KCNQ2: variants seen among roughly 807,000 people sequenced by gnomAD.
The protein encoded by KCNQ2 is potassium voltage-gated channel subfamily Q member 2, also known as potassium voltage-gated channel subfamily KQT member 2.
In KCNQ2, 14 loss-of-function variants were observed where a neutral mutation model predicts 84.8. The observed-to-expected ratio is 0.17, with a 90% CI of 0.11 to 0.26. The LOEUF (loss-of-function observed/expected upper bound fraction) is 0.26. Ranked by LOEUF, KCNQ2 falls within the 10% of genes least tolerant of loss-of-function variation. KCNQ2 has a pLI of 1.00. For missense variants in KCNQ2, 788 were observed against 1,254.0 expected (o/e 0.63, Z 5.61); for synonymous variants, 599 against 554.1 (o/e 1.08, Z -1.14).
At chr20:63,442,282 G>A (rs1018228383) in intron 5 of KCNQ2, 124 bp downstream of exon 5, 112 of 1,165,964 alleles carry the variant, frequency 9.6e-5, no homozygotes, top group Admixed American at 6.0e-4. Flanking sequence ...TCATGACCAC[G>A]GGCAGCCAGC....
chr20:63,452,886 C>T (rs1460777032), intron 1 of KCNQ2, among the ~76,000 whole-genome samples: 5 of 151,058 alleles, frequency 3.3e-5, no homozygotes, highest in Non-Finnish European at 5.9e-5. Context: ...CCCGGGACGA[C>T]GCGCCAGCCG....
At chr20:63,423,218 G>A (rs2080526328) in intron 11 of KCNQ2, among the ~76,000 whole-genome samples, 2 of 152,192 alleles carry the variant, frequency 1.3e-5, no homozygotes, top group African/African-American at 4.8e-5. Context: ...CTCCCCTTCT[G>A]TGGGATGTGG....
chr20:63,451,619 G>A (rs2081618015), intron 1 of KCNQ2, among the ~76,000 whole-genome samples: 1 of 152,180 alleles, frequency 6.6e-6, no homozygotes, highest in Non-Finnish European at 1.5e-5. Context: ...GGGGACTTGG[G>A]CAAGCTCCCT....
rs1473376639 is a variant in KCNQ2, at chr20:63,460,439, GC to G, written c.296+11728del. Among the ~76,000 whole-genome samples, 1 of 152,042 alleles carries G rather than the reference GC, an allele frequency of 6.6e-6. No homozygotes were observed. The highest frequency in any genetic ancestry group is 1.9e-4 in the East Asian group (1 of 5,172). On this transcript the variant is annotated intron_variant, in intron 1 of 16. Transcript: ENST00000359125. The surrounding 1 kb of genome is among the most constrained non-coding windows in gnomAD (Gnocchi z 5.4). ...GTGGCACTCCTGACCGAGGCTCCCAGCAGGCCTTCCCCCCCACAGCCCCCTG... is the reference window on the plus strand; with the variant it reads ...GTGGCACTCCTGACCGAGGCTCCCAGAGGCCTTCCCCCCCACAGCCCCCTG...
chr20:63,412,138 A>C, intron 15 of KCNQ2: 1 of 475,294 alleles, frequency 2.1e-6, no homozygotes, highest in Admixed American at 3.7e-5. Flanking sequence ...GCCACGTCCC[A>C]GAGCGTGGAG....
chr20:63,438,445 G>T lies in KCNQ2; in HGVS notation c.1023+180C>A. 1 of 663,578 alleles carries T rather than the reference G, an allele frequency of 1.5e-6. No individual in the cohort carries two copies. Among genetic ancestry groups the T allele is most frequent in the South Asian group, 1.7e-5 (1 of 58,940 alleles). The allele number at this position is 663,578 out of a possible 1,614,324, so 41.1% of individuals were successfully genotyped here. A position where few individuals can be genotyped will look rare whatever the true frequency, so the allele number is the denominator to read the frequency against. ...CCACCCCTGTGCAGCCTCAGGGGTT[G>T]GAGCCATTTCTCAACACACACACTT... is the stretch of plus-strand genomic sequence containing the variant. On this transcript the variant is annotated intron_variant, in intron 7 of 16. Coordinates refer to ENST00000359125, the MANE Select transcript of KCNQ2 (RefSeq NM_172107.4). This position sits in a 1 kb window ranked among gnomAD's most constrained non-coding sequence, Gnocchi z 5.1.
At chr20:63,424,142 C>T (rs1013453079) in intron 11 of KCNQ2, 35 bp downstream of exon 11, 26 of 1,552,714 alleles carry the variant, frequency 1.7e-5, no homozygotes, top group Middle Eastern at 1.7e-4. Context: ...GCCGTGCACA[C>T]GGCAGACACC....
At chr20:63,442,752 T>TCACCACCACCATCACCACCACCAC (rs1568934242) in intron 4 of KCNQ2, among the ~76,000 whole-genome samples, 1 of 35,170 alleles carries the variant, frequency 2.8e-5, no homozygotes, top group African/African-American at 1.3e-4. Flanking sequence ...ATCACCACCA[T>TCACCACCACCATCACCACCACCAC]CACCATCACC....
chr20:63,426,500 CTTTT>C (rs11479722), intron 10 of KCNQ2, among the ~76,000 whole-genome samples: 1 of 146,628 alleles, frequency 6.8e-6, no homozygotes, highest in African/African-American at 2.5e-5. Flanking sequence ...CCCTGAATGC[CTTTT>C]TTTTTTTTTT....
chr20:63,469,046 C>G (rs141583002), intron 1 of KCNQ2, among the ~76,000 whole-genome samples: 2 of 152,246 alleles, frequency 1.3e-5, no homozygotes, highest in Non-Finnish European at 2.9e-5. Flanking sequence ...CAGCAACCCA[C>G]GCGGGGATCC....
rs1568871133 is a variant in KCNQ2 at position 63,411,668 on chromosome 20, C to A, written c.1763+1782G>T. ...TCAGGAACAGAGAAAACCCGAGTGT[C>A]CCCTCTGTCCCGGGGAAAGGGTGGT... On this transcript the variant is annotated intron_variant, in intron 15 of 16. Transcript: ENST00000359125. The A allele has an allele frequency of 1.0e-5, 5 of 501,762 alleles. No individual in the cohort carries two copies. The East Asian group carries it at 1.4e-4, about 14-fold the overall frequency. The allele number at this position is 501,762 out of a possible 1,614,324, so 31.1% of individuals were successfully genotyped here. A position where few individuals can be genotyped will look rare whatever the true frequency, so the allele number is the denominator to read the frequency against.
intron 12 of KCNQ2, among the ~76,000 whole-genome samples, chr20:63,419,387 C>T (rs575990443): frequency 1.6e-4 from 25 of 152,234 alleles, no homozygotes; most frequent in Non-Finnish European, 2.6e-4. Context: ...TCTGGCTGTG[C>T]GCAGGACATC....
At chr20:63,432,944 G>T (rs1391242498) in intron 8 of KCNQ2, among the ~76,000 whole-genome samples, 1 of 152,148 alleles carries the variant, frequency 6.6e-6, no homozygotes, top group Non-Finnish European at 1.5e-5. Flanking sequence ...GCAGGTGACG[G>T]GGGGCGCGGG....
intron 1 of KCNQ2, chr20:63,449,294 TAA>T (rs1483745360): frequency 2.6e-5 from 4 of 152,248 alleles, no homozygotes; most frequent in African/African-American, 7.2e-5. Context: ...CCCTTGCAAA[TAA>T]AAGACCATGA....
intron 4 of KCNQ2, among the ~76,000 whole-genome samples, chr20:63,442,794 TTA>T (rs2081229129): frequency 3.2e-5 from 1 of 30,972 alleles, no homozygotes; most frequent in Non-Finnish European, 6.4e-5. Context: ...ACCATCACCA[TTA>T]CCACCACCAT....
rs113403525 is a variant in KCNQ2 at position 63,445,781 on chromosome 20, G to A, written c.388-417C>T. On this transcript the variant is annotated intron_variant, in intron 2 of 16. Coordinates refer to ENST00000359125, the MANE Select transcript of KCNQ2 (RefSeq NM_172107.4). ...GCTGGGGGACCCTGTCTGAGCTGGG[G>A]GACCCTGTCTGAGCTGGGAGGCCCT... 5.5e-4 allele frequency among the ~76,000 whole-genome samples: 77 copies of A among 138,866 alleles called. 1 individual carries two copies. Among genetic ancestry groups the A allele is most frequent in the South Asian group, 9.5e-4 (4 of 4,190 alleles). 91.1% of individuals were successfully genotyped at this position (138,866 alleles called of 152,430 possible). A position where few individuals can be genotyped will look rare whatever the true frequency, so the allele number is the denominator to read the frequency against.
chr20:63,400,225 C>G lies in KCNQ2; in HGVS notation c.*6419G>C, dbSNP rs1026210874. ...ACACACCGTCCAGGTTGAATCACTG[C>G]GTTTTACTGAGTGCACAGGTCCACC... On this transcript the variant is annotated 3_prime_UTR_variant, in exon 17 of 17. Transcript: ENST00000359125. The surrounding 1 kb of genome is among the most constrained non-coding windows in gnomAD (Gnocchi z 8.7). 1 of 169,326 alleles carries G rather than the reference C, an allele frequency of 5.9e-6. No homozygotes were observed. Among genetic ancestry groups the G allele is most frequent in the Non-Finnish European group, 1.2e-5 (1 of 80,196 alleles). The allele number at this position is 169,326 out of a possible 1,614,324, so 10.5% of individuals were successfully genotyped here. A position where few individuals can be genotyped will look rare whatever the true frequency, so the allele number is the denominator to read the frequency against.
Position 63,469,550 on chromosome 20 carries a change from C to T in KCNQ2, c.296+2618G>A, listed in dbSNP as rs910777535. Among the ~76,000 whole-genome samples, 10 of 152,390 alleles carry T rather than the reference C, an allele frequency of 6.6e-5. No individual in the cohort carries two copies. In the East Asian group the frequency reaches 1.5e-3, roughly 23 times the overall value. On this transcript the variant is annotated intron_variant, in intron 1 of 16. Coordinates refer to ENST00000359125, the MANE Select transcript of KCNQ2 (RefSeq NM_172107.4). Reference sequence around the variant, plus strand: ...CCGCCCTCTCTACCCCAGACAGTGGCTACCCCGGGTCCAACAGGGATGCCC... The same window carrying T: ...CCGCCCTCTCTACCCCAGACAGTGGTTACCCCGGGTCCAACAGGGATGCCC...
At position 63,408,479 on chromosome 20, in the gene KCNQ2, G is replaced by A. The variant is rs1311091102; in HGVS notation, c.1821C>T (p.Gly607=). 3 of 1,607,794 alleles carry A rather than the reference G, an allele frequency of 1.9e-6. No homozygotes were observed. The highest frequency in any genetic ancestry group is 2.2e-5 in the South Asian group (2 of 90,208). The part of the protein sequence containing the change: ...PAITDKDRTK[G]PAEAELPEDP... ...CCTCGGGCAGCTCCGCCTCGGCCGG[G>A]CCCTTGGTGCGGTCCTTGTCCGTGA... Residue 607 remains glycine, a synonymous_variant, in exon 16 of 17, where the codon GGC becomes GGT. Coordinates refer to ENST00000359125, the MANE Select transcript of KCNQ2 (RefSeq NM_172107.4). The surrounding 1 kb of genome is among the most constrained non-coding windows in gnomAD (Gnocchi z 5.0).
Sources: gnomAD v4.1 joint callset for allele counts (sites outside exome capture counted in the v4.1 genomes callset) on GRCh38, gnomAD v4.1.1 for gene constraint, Gnocchi (gnomAD v3.1) non-coding constraint, MANE v1.5 for transcripts, NCBI Gene and HGNC (gene_info 2026-07-23, HGNC 2026-07-21) for gene names.